TRIM16: variants seen among roughly 807,000 people sequenced by gnomAD.
TRIM16 encodes tripartite motif-containing protein 16.
TRIM16 carries 33 observed loss-of-function variants against 50.4 expected under a neutral mutation model. The observed-to-expected ratio is 0.65, with a 90% CI of 0.50 to 0.88. The LOEUF (loss-of-function observed/expected upper bound fraction) is 0.88. Among genes scored for constraint, TRIM16 ranks in the 40% least tolerant of loss-of-function variants. The pLI is 0.00. For missense variants in TRIM16, 581 were observed against 686.8 expected, an observed-to-expected ratio of 0.85 and a Z score of 1.72; for synonymous variants, 229 against 270.7, an observed-to-expected ratio of 0.85 and a Z score of 1.51.
At chr17:15,634,991 G>A (rs1329285157) in intron 9 of TRIM16, among the ~76,000 whole-genome samples, 2 of 149,358 alleles carry the variant, frequency 1.3e-5, no homozygotes, top group Non-Finnish European at 1.5e-5. Context: ...ACTGACAGAC[G>A]CTTTGTTGGT....
chr17:15,667,917 C>T (rs932455881), intron 6 of TRIM16, among the ~76,000 whole-genome samples: 6 of 151,388 alleles, frequency 4.0e-5, no homozygotes, highest in Non-Finnish European at 7.4e-5. Context: ...CTTTGTATGT[C>T]CCAGGATCCC....
In TRIM16 at chr17:15,651,695, T is replaced by C. The variant is rs943000504; in HGVS notation, c.-86A>G. ...CCAAGTCAGACAAGAGAACCACGCC[T>C]AGATGATTGCAGCTGCTGCAAGATT... On this transcript the variant is annotated 5_prime_UTR_variant, in exon 7 of 12. Coordinates refer to ENST00000649191, the MANE Select transcript of TRIM16 (RefSeq NM_001348119.1). The C allele has an allele frequency of 2.6e-6, 4 of 1,551,142 alleles. No homozygotes were observed. The highest frequency in any genetic ancestry group is 3.9e-5 in the Admixed American group (2 of 51,210).
chr17:15,647,989 G>A (rs1428478715), intron 7 of TRIM16, among the ~76,000 whole-genome samples: 1 of 152,186 alleles, frequency 6.6e-6, no homozygotes, highest in Non-Finnish European at 1.5e-5. Flanking sequence ...ACTTTGGGAG[G>A]CCGAGGCAGG....
intron 7 of TRIM16, among the ~76,000 whole-genome samples, chr17:15,650,868 C>T (rs1008337352): frequency 2.0e-5 from 3 of 152,170 alleles, no homozygotes; most frequent in African/African-American, 7.2e-5. Flanking sequence ...CGCACAGAGA[C>T]AGTGGGACAG....
At chr17:15,639,602 G>A (rs151194528) in intron 8 of TRIM16, among the ~76,000 whole-genome samples, 8,154 of 148,758 alleles carry the variant, frequency 0.055, 1,114 homozygotes, top group African/African-American at 0.19. Context: ...GGCTCCCTCC[G>A]GAGCCCTGTT....
intron 6 of TRIM16, among the ~76,000 whole-genome samples, chr17:15,664,564 C>T (rs1012827805): frequency 3.9e-5 from 6 of 152,220 alleles, no homozygotes; most frequent in Non-Finnish European, 2.9e-5. Context: ...TGGCCACAAG[C>T]GCCCTGTTCT....
intron 10 of TRIM16, chr17:15,631,944 A>G (rs567984446): frequency 1.3e-5 from 7 of 546,844 alleles, no homozygotes; most frequent in South Asian, 1.3e-4. Flanking sequence ...AAGTATAGGC[A>G]TCAGCAACCT....
At chr17:15,676,160 T>C (rs163389) in intron 6 of TRIM16, among the ~76,000 whole-genome samples, 20,909 of 152,220 alleles carry the variant, frequency 0.14, 1,686 homozygotes, top group South Asian at 0.23. Context: ...GGCCCCGTCC[T>C]GTGCATTGTA....
intron 8 of TRIM16, among the ~76,000 whole-genome samples, chr17:15,636,894 G>T (rs886917): frequency 4.0e-5 from 6 of 149,204 alleles, no homozygotes; most frequent in Non-Finnish European, 6.0e-5. Flanking sequence ...AACATTAAGG[G>T]TTTGAATGAT....
chr17:15,648,472 T>C (rs1987526645), intron 7 of TRIM16, among the ~76,000 whole-genome samples: 1 of 152,154 alleles, frequency 6.6e-6, no homozygotes, highest in Non-Finnish European at 1.5e-5. Context: ...AACTGAGAAA[T>C]TAGTCATTCT....
rs1249037888 is a variant in TRIM16, at chr17:15,641,957, C to T, written c.615+764G>A. Among the ~76,000 whole-genome samples the T allele has an allele frequency of 1.3e-4, 19 of 148,690 alleles. 2 individuals are homozygous for T. Among genetic ancestry groups the T allele is most frequent in the Admixed American group, 1.1e-3 (16 of 15,044 alleles). On this transcript the variant is annotated intron_variant, in intron 8 of 11. Coordinates refer to ENST00000649191, the MANE Select transcript of TRIM16 (RefSeq NM_001348119.1). Reference sequence around the variant, plus strand: ...TCCTGAGTTCAAGCAATTCTCCTGCCTCAGCCTCCTGAGTAACTGGGACTA... The same window carrying T: ...TCCTGAGTTCAAGCAATTCTCCTGCTTCAGCCTCCTGAGTAACTGGGACTA...
chr17:15,676,651 G>A (rs1988962281), intron 6 of TRIM16, among the ~76,000 whole-genome samples: 1 of 151,468 alleles, frequency 6.6e-6, no homozygotes, highest in Non-Finnish European at 1.5e-5. Context: ...TAGCCAGGAT[G>A]GTCTCCATCT....
intron 7 of TRIM16, among the ~76,000 whole-genome samples, chr17:15,647,247 C>T (rs1342454404): frequency 6.6e-6 from 1 of 151,170 alleles, no homozygotes; most frequent in Non-Finnish European, 1.5e-5. Context: ...GCTGGGATTA[C>T]AGGCGTGAGC....
intron 6 of TRIM16, among the ~76,000 whole-genome samples, chr17:15,668,608 C>A (rs569230940): frequency 6.6e-6 from 1 of 152,134 alleles, no homozygotes; most frequent in Admixed American, 6.5e-5. Context: ...AGTCCCTTGC[C>A]GTTTTCTCCT....
Position 15,632,596 on chromosome 17 carries a change from T to A in TRIM16, c.928A>T (p.Ile310Phe). 1 of 1,613,982 alleles carries A rather than the reference T, an allele frequency of 6.2e-7. No homozygotes were observed. Among genetic ancestry groups the A allele is most frequent in the Non-Finnish European group, 8.5e-7 (1 of 1,179,862 alleles). The change falls in exon 10 of 12, where the codon ATC becomes TTC. Residue 310 changes from isoleucine (I) to phenylalanine (F), a missense_variant. This residue lies in a region of TRIM16 where 450 missense variants were observed against 544.3 expected (regional missense o/e 0.83). Coordinates refer to ENST00000649191, the MANE Select transcript of TRIM16 (RefSeq NM_001348119.1). ...YVGLKDKLSGIRKVITESTVH... is the reference protein window; with the variant it reads ...YVGLKDKLSGFRKVITESTVH... ...GTGGATTCCGTGATAACTTTGCGGA[T>A]GCCCGAGAGTTTATCCTTCAGCCCT...
chr17:15,663,558 C>T (rs958056851), intron 6 of TRIM16, among the ~76,000 whole-genome samples: 1 of 152,148 alleles, frequency 6.6e-6, no homozygotes, highest in African/African-American at 2.4e-5. Context: ...ATGGAAAGAG[C>T]CCCAGTGACA....
chr17:15,667,506 A>G (rs962075897), intron 6 of TRIM16, among the ~76,000 whole-genome samples: 8 of 152,160 alleles, frequency 5.3e-5, no homozygotes, highest in African/African-American at 1.9e-4. Flanking sequence ...TACACGTGCA[A>G]TTGTGTAAGA....
At position 15,651,267 on chromosome 17, in the gene TRIM16, G is replaced by A; in HGVS notation, c.343C>T (p.Gln115Ter). Residue 115 changes from glutamine to a stop codon, truncating the protein, a stop_gained, in exon 7 of 12, where the codon CAA becomes TAA. Transcript: ENST00000649191. LOFTEE classifies it high-confidence loss of function. ...ACTGGCTCGGTCAGCAGGTGGCTTTGCAGTTTGATGTTCACCTGATGCGGC... is the reference window on the plus strand; with the variant it reads ...ACTGGCTCGGTCAGCAGGTGGCTTTACAGTTTGATGTTCACCTGATGCGGC... ...LQPHQVNIKL[Q>*]SHLLTEPVKD... is the part of the protein sequence containing the mutation. The A allele has an allele frequency of 6.2e-7, 1 of 1,614,246 alleles. No homozygotes were observed. Among genetic ancestry groups the A allele is most frequent in the South Asian group, 1.1e-5 (1 of 91,086 alleles).
At chr17:15,676,637 A>G (rs1444464870) in intron 6 of TRIM16, among the ~76,000 whole-genome samples, 4 of 151,170 alleles carry the variant, frequency 2.6e-5, no homozygotes, top group Middle Eastern at 3.2e-3. Flanking sequence ...GGGTTTCACC[A>G]TGTTAGCCAG....
Sources: allele counts gnomAD v4.1 joint callset (sites outside exome capture counted in the v4.1 genomes callset), GRCh38; gene constraint gnomAD v4.1.1; regional missense constraint gnomAD v4.1.1; transcripts MANE v1.5; gene names NCBI Gene and HGNC (gene_info 2026-07-23, HGNC 2026-07-21).